The following AJAP1 variants were observed in gnomAD, a reference collection of about 807,000 sequenced individuals.
The protein encoded by AJAP1 is adherens junctions associated protein 1, also known as adherens junction-associated protein 1.
AJAP1 carries 5 observed loss-of-function variants against 35.0 expected under a neutral mutation model. That is an observed-to-expected ratio of 0.14 (90% confidence interval 0.07 to 0.30). The LOEUF is 0.30. AJAP1 is among the 10% of genes least tolerant of loss of function. The pLI, the probability that AJAP1 is intolerant of heterozygous loss-of-function variation, is 1.00. For missense variants in AJAP1, 586 were observed against 571.0 expected (o/e 1.03, Z -0.27); for synonymous variants, 284 against 249.3 (o/e 1.14, Z -1.31).
At chr1:4,690,596 G>A (rs1338148631) in intron 1 of AJAP1, among the ~76,000 whole-genome samples, 1 of 152,188 alleles carries the variant, frequency 6.6e-6, no homozygotes, top group Admixed American at 6.5e-5. Context: ...CTTTTATTGG[G>A]TGTCACTGTG....
rs1642159100 is a variant in AJAP1 at position 4,786,175 on chromosome 1, C to G, written c.*3690C>G. The G allele has an allele frequency of 6.6e-6, 1 of 152,124 alleles. No homozygotes were observed. The highest frequency in any genetic ancestry group is 2.4e-5 in the African/African-American group (1 of 41,410). 9.4% of individuals were successfully genotyped at this position (152,124 alleles called of 1,614,324 possible). ...CACGCAACGTGGAAGCGTGGTGACACCCTGGGGTGTGTGGAGGTGGCTGCT... is the reference window on the plus strand; with the variant it reads ...CACGCAACGTGGAAGCGTGGTGACAGCCTGGGGTGTGTGGAGGTGGCTGCT... On this transcript the variant is annotated 3_prime_UTR_variant, in exon 6 of 6. Coordinates refer to ENST00000378191, the MANE Select transcript of AJAP1 (RefSeq NM_018836.4).
Position 4,712,478 on chromosome 1 carries a change from C to T in AJAP1, c.608C>T (p.Pro203Leu), listed in dbSNP as rs961176862. 3.1e-6 allele frequency: 5 copies of T among 1,612,186 alleles called. No individual in the cohort carries two copies. The highest frequency in any genetic ancestry group is 4.2e-6 in the Non-Finnish European group (5 of 1,179,362). Residue 203 changes from proline (P) to leucine (L), a missense_variant, in exon 2 of 6, where the codon CCC becomes CTC. Pro to Leu is a moderately conservative substitution (Grantham distance 98). Transcript: ENST00000378191. The stretch of plus-strand genomic sequence containing the variant: ...AACACATTTCCGGGCGTTTACGGCC[C>T]CACCACGGTCTCCATCCTACAAACA... The part of the protein sequence containing the change: ...ESNTFPGVYG[P>L]TTVSILQTRK...
At chr1:4,761,977 T>G (rs947036654) in intron 2 of AJAP1, among the ~76,000 whole-genome samples, 2 of 152,178 alleles carry the variant, frequency 1.3e-5, no homozygotes, top group African/African-American at 4.8e-5. Context: ...AACAACACTT[T>G]GCATCCTTCA....
At chr1:4,765,728 T>C (rs1253224059) in intron 2 of AJAP1, among the ~76,000 whole-genome samples, 1 of 152,178 alleles carries the variant, frequency 6.6e-6, no homozygotes, top group Non-Finnish European at 1.5e-5. Flanking sequence ...GGAATCAAAC[T>C]GGTACATTTC....
In AJAP1 at chr1:4,787,624, G is replaced by A. The variant is rs1642180302; in HGVS notation, c.*5139G>A. 1 of 453,140 alleles carries A rather than the reference G, an allele frequency of 2.2e-6. No individual in the cohort carries two copies. 28.1% of individuals were successfully genotyped at this position (453,140 alleles called of 1,614,324 possible). A position where few individuals can be genotyped will look rare whatever the true frequency, so the allele number is the denominator to read the frequency against. On this transcript the variant is annotated 3_prime_UTR_variant, in exon 6 of 6. Coordinates refer to ENST00000378191, the MANE Select transcript of AJAP1 (RefSeq NM_018836.4). ...AGGGGCAGGGGCAGGGGCAGGATGA[G>A]GGCTGCTGCCCTGGTGATGAGCTTG...
At chr1:4,704,549 T>G (rs1640059987) in intron 1 of AJAP1, among the ~76,000 whole-genome samples, 1 of 152,288 alleles carries the variant, frequency 6.6e-6, no homozygotes, top group South Asian at 2.1e-4. Flanking sequence ...CTTAATCTGG[T>G]CTATCATTGT....
intron 1 of AJAP1, among the ~76,000 whole-genome samples, chr1:4,697,291 T>C (rs1639885730): frequency 6.6e-6 from 1 of 152,234 alleles, no homozygotes; most frequent in Non-Finnish European, 1.5e-5. Flanking sequence ...ATTAGATTCG[T>C]CCTGGGTGCC....
intron 2 of AJAP1, among the ~76,000 whole-genome samples, chr1:4,722,217 A>G (rs1423855051): frequency 6.6e-6 from 1 of 152,192 alleles, no homozygotes; most frequent in Non-Finnish European, 1.5e-5. Flanking sequence ...GGCACTGGAG[A>G]ATTCCCTGGG....
intron 3 of AJAP1, among the ~76,000 whole-genome samples, chr1:4,771,821 G>A (rs1641841960): frequency 6.6e-6 from 1 of 152,112 alleles, no homozygotes; most frequent in African/African-American, 2.4e-5. Flanking sequence ...TTTCCCCAAA[G>A]ACAGGTCCAT....
chr1:4,674,653 G>A (rs1036565042), intron 1 of AJAP1, among the ~76,000 whole-genome samples: 3 of 152,160 alleles, frequency 2.0e-5, no homozygotes, highest in Admixed American at 1.3e-4. Flanking sequence ...CTGGTGCTGC[G>A]GCTGTCAGCT....
chr1:4,764,228 C>T (rs949257303), intron 2 of AJAP1, among the ~76,000 whole-genome samples: 18 of 152,208 alleles, frequency 1.2e-4, no homozygotes, highest in Non-Finnish European at 1.8e-4. Context: ...AATACATTCA[C>T]CCCTTGGAAG....
chr1:4,778,899 C>T (rs114062429), intron 5 of AJAP1, among the ~76,000 whole-genome samples: 2,266 of 152,254 alleles, frequency 0.015, 51 homozygotes, highest in African/African-American at 0.043. Flanking sequence ...GAGCCTCATC[C>T]GGTGTTTTGA....
chr1:4,725,284 C>T (rs2100289424), intron 2 of AJAP1, among the ~76,000 whole-genome samples: 1 of 152,274 alleles, frequency 6.6e-6, no homozygotes, highest in Middle Eastern at 3.4e-3. Flanking sequence ...GTGGCTGCTC[C>T]AGTGGGCACT....
In AJAP1 at chr1:4,681,270, G is replaced by A. The variant is rs539143380; in HGVS notation, c.29+25816G>A. Among the ~76,000 whole-genome samples, 12 of 152,344 alleles carry A rather than the reference G, an allele frequency of 7.9e-5. No homozygotes were observed. The South Asian group carries it at 2.3e-3, about 29-fold the overall frequency. On this transcript the variant is annotated intron_variant, in intron 1 of 5. Transcript: ENST00000378191. Reference sequence around the variant, plus strand: ...GGAAGCCCGTGTTTTCAGCAGCACGGACAGTGTGCAAAATTGCCACAGACT... The same window carrying A: ...GGAAGCCCGTGTTTTCAGCAGCACGAACAGTGTGCAAAATTGCCACAGACT...
intron 5 of AJAP1, chr1:4,777,586 C>G (rs565111267): frequency 6.6e-5 from 10 of 152,226 alleles, no homozygotes; most frequent in African/African-American, 2.4e-4. Context: ...CATTGGCTCT[C>G]GGACTAATTC....
chr1:4,670,443 C>T (rs74376550), intron 1 of AJAP1, among the ~76,000 whole-genome samples: 50 of 152,272 alleles, frequency 3.3e-4, no homozygotes, highest in Middle Eastern at 3.4e-3. Flanking sequence ...ATACCCAAGT[C>T]GACATTGATC....
At chr1:4,764,020 G>A (rs1262698816) in intron 2 of AJAP1, among the ~76,000 whole-genome samples, 1 of 144,464 alleles carries the variant, frequency 6.9e-6, no homozygotes, top group Non-Finnish European at 1.5e-5. Flanking sequence ...TGGTGTAGAT[G>A]GAGCTGGGAC....
At chr1:4,740,691 C>T (rs1365003729) in intron 2 of AJAP1, among the ~76,000 whole-genome samples, 1 of 143,826 alleles carries the variant, frequency 7.0e-6, no homozygotes, top group Non-Finnish European at 1.5e-5. Flanking sequence ...GAGGCTGAGG[C>T]AGGAGAATGG....
chr1:4,712,168 C>T lies in AJAP1; in HGVS notation c.298C>T (p.Arg100Trp), dbSNP rs199626507. ...GCAGATGCAGATGCCTCGAGCCAGA[C>T]GGGCCCACAGGCCCCGGGACCAGGC... The part of the protein sequence containing the change: ...HGQMQMPRAR[R>W]AHRPRDQAAA... Residue 100 changes from arginine (R) to tryptophan (W), a missense_variant, in exon 2 of 6, where the codon CGG becomes TGG. Coordinates refer to ENST00000378191, the MANE Select transcript of AJAP1 (RefSeq NM_018836.4). The T allele has an allele frequency of 4.5e-6, 7 of 1,565,086 alleles. No homozygotes were observed. The highest frequency in any genetic ancestry group is 2.7e-5 in the African/African-American group (2 of 73,642).
Sources: gnomAD v4.1 joint callset for allele counts (sites outside exome capture counted in the v4.1 genomes callset) on GRCh38, gnomAD v4.1.1 for gene constraint, MANE v1.5 for transcripts, NCBI Gene and HGNC (gene_info 2026-07-23, HGNC 2026-07-21) for gene names.